SLC12A2: variants seen among roughly 807,000 people sequenced by gnomAD.
SLC12A2 encodes the protein solute carrier family 12 member 2.
Under a neutral mutation model 136.3 loss-of-function variants are expected in SLC12A2, and 67 were observed. The ratio of observed to expected loss-of-function variants is 0.49; its 90% CI spans 0.40 to 0.60. SLC12A2 has a LOEUF of 0.60. Ranked by LOEUF, SLC12A2 falls within the 20% of genes least tolerant of loss-of-function variation. The pLI is 0.00. For synonymous variants in SLC12A2, 619 were observed against 562.9 expected, an observed-to-expected ratio of 1.10 and a Z score of -1.41; for missense variants, 1,322 against 1,534.7, an observed-to-expected ratio of 0.86 and a Z score of 2.32.
At chr5:128,098,850 T>A (rs1168599636) in intron 1 of SLC12A2, among the ~76,000 whole-genome samples, 1 of 152,140 alleles carries the variant, frequency 6.6e-6, no homozygotes, top group Non-Finnish European at 1.5e-5. Flanking sequence ...ACCCTTGCCA[T>A]CATTATACTT....
At chr5:128,146,897 A>G (rs1762545438) in intron 10 of SLC12A2, among the ~76,000 whole-genome samples, 1 of 151,664 alleles carries the variant, frequency 6.6e-6, no homozygotes, top group East Asian at 1.9e-4. Context: ...TCTAGATAGA[A>G]CCAGTTTACT....
intron 19 of SLC12A2, among the ~76,000 whole-genome samples, chr5:128,172,954 C>CA (rs200230694): frequency 0.011 from 1,556 of 138,940 alleles, 25 homozygotes; most frequent in African/African-American, 0.037. Context: ...TCAAAAAATA[C>CA]AAAAAAAACA....
intron 1 of SLC12A2, among the ~76,000 whole-genome samples, chr5:128,104,720 A>C (rs1031481542): frequency 3.3e-5 from 5 of 151,576 alleles, no homozygotes; most frequent in African/African-American, 1.2e-4. Context: ...TCTCAGATGG[A>C]TTTTCTGGAC....
chr5:128,175,583 A>G (rs894203030), intron 20 of SLC12A2, among the ~76,000 whole-genome samples: 1 of 151,884 alleles, frequency 6.6e-6, no homozygotes, highest in East Asian at 1.9e-4. Flanking sequence ...GTGAAGTTTA[A>G]TGGGAGGGTA....
chr5:128,141,659 T>C (rs1233591643), intron 9 of SLC12A2, among the ~76,000 whole-genome samples, 171 bp from the exon 10 acceptor site: 7 of 152,204 alleles, frequency 4.6e-5, no homozygotes, highest in Non-Finnish European at 2.9e-5. Context: ...CATGATGCTT[T>C]ACAAATTCTG....
intron 17 of SLC12A2, among the ~76,000 whole-genome samples, chr5:128,165,918 TCCC>T (rs34094078): frequency 0.051 from 4,257 of 83,646 alleles, 265 homozygotes; most frequent in African/African-American, 0.086. Context: ...TTCTTTTACC[TCCC>T]CCCCCCCCCC....
intron 1 of SLC12A2, among the ~76,000 whole-genome samples, chr5:128,108,282 G>A (rs1009415855): frequency 2.0e-5 from 3 of 152,058 alleles, no homozygotes; most frequent in Non-Finnish European, 4.4e-5. Context: ...ATTATATTAT[G>A]GTCCAGCAAT....
Position 128,134,212 on chromosome 5 carries a change from TG to T in SLC12A2, c.1238del (p.Gly413GlufsTer6). On this transcript the variant is annotated frameshift_variant, in exon 6 of 27. Coordinates refer to ENST00000262461, the MANE Select transcript of SLC12A2 (RefSeq NM_001046.3). LOFTEE classifies it high-confidence loss of function. The stretch of plus-strand genomic sequence containing the variant: ...ATGAAATCAATGATATCCGAATTAT[TG>T]GAGCCATTACAGTCGTGATTCTTTT... ...IDEINDIRII[G>X]AITVVILLGI... 6.2e-7 allele frequency: 1 copy of T among 1,608,290 alleles called. No homozygotes were observed. The highest frequency in any genetic ancestry group is 2.2e-5 in the East Asian group (1 of 44,740).
intron 10 of SLC12A2, among the ~76,000 whole-genome samples, chr5:128,147,406 G>GT (rs1169114998): frequency 2.6e-5 from 4 of 151,672 alleles, no homozygotes; most frequent in South Asian, 2.1e-4. Context: ...CATTGTGTGT[G>GT]TTTAACATTT....
At chr5:128,085,728 A>AATCCAGTAT (rs1240774558) in intron 1 of SLC12A2, among the ~76,000 whole-genome samples, 2 of 152,210 alleles carry the variant, frequency 1.3e-5, no homozygotes, top group Non-Finnish European at 2.9e-5. Flanking sequence ...GACAAGTTTA[A>AATCCAGTAT]ATCCAGTATG....
chr5:128,084,859 A>G lies in SLC12A2; in HGVS notation c.756+149A>G, dbSNP rs1760027691. 1.0e-6 allele frequency: 1 copy of G among 969,494 alleles called. No homozygotes were observed. Among genetic ancestry groups the G allele is most frequent in the South Asian group, 1.7e-5 (1 of 57,724 alleles). 60.1% of individuals were successfully genotyped at this position (969,494 alleles called of 1,614,324 possible). A position where few individuals can be genotyped will look rare whatever the true frequency, so the allele number is the denominator to read the frequency against. ...TCTGGATTCAGCTGTCAAGGGTGGA[A>G]TTGCCGAGGAATGTTAACTTAATCT... On this transcript the variant is annotated intron_variant, in intron 1 of 26. Coordinates refer to ENST00000262461, the MANE Select transcript of SLC12A2 (RefSeq NM_001046.3). This position sits in a 1 kb window ranked among gnomAD's most constrained non-coding sequence, Gnocchi z 5.6.
At chr5:128,085,902 T>G (rs1263449491) in intron 1 of SLC12A2, among the ~76,000 whole-genome samples, 1 of 152,236 alleles carries the variant, frequency 6.6e-6, no homozygotes, top group African/African-American at 2.4e-5. Flanking sequence ...TAGATAATAC[T>G]ATTCTTGTTA....
At chr5:128,153,985 T>C (rs952950738) in intron 15 of SLC12A2, among the ~76,000 whole-genome samples, 1 of 151,778 alleles carries the variant, frequency 6.6e-6, no homozygotes, top group Non-Finnish European at 1.5e-5. Flanking sequence ...ATAGAAATTA[T>C]TATTTTATGT....
intron 1 of SLC12A2, among the ~76,000 whole-genome samples, chr5:128,088,515 T>C (rs1760187698): frequency 6.6e-6 from 1 of 152,208 alleles, no homozygotes; most frequent in Non-Finnish European, 1.5e-5. Context: ...TAGCTCCTAC[T>C]GGATTTAAAG....
rs770832467 is a variant in SLC12A2 at position 128,174,634 on chromosome 5, A to T, written c.2897A>T (p.Lys966Ile). The T allele has an allele frequency of 5.5e-5, 89 of 1,605,694 alleles. No homozygotes were observed. In the Admixed American group the frequency reaches 1.4e-3, roughly 26 times the overall value. Residue 966 changes from lysine (K) to isoleucine (I), a missense_variant, in exon 20 of 27, where the codon AAA becomes ATA. By Grantham distance (102) the Lys-to-Ile change is moderately radical. Transcript: ENST00000262461. ...AAAAAGTCCGATTTAGATACTTCCA[A>T]ACCACTCAGTGAAAAACCAATTACA... ...YSKKSDLDTS[K>I]PLSEKPITHK...
intron 23 of SLC12A2, among the ~76,000 whole-genome samples, chr5:128,181,401 A>G (rs1763703313): frequency 6.6e-6 from 1 of 152,142 alleles, no homozygotes; most frequent in South Asian, 2.1e-4. Context: ...CTATACTGTC[A>G]CGATTCTAGT....
At chr5:128,106,196 C>T (rs1011371925) in intron 1 of SLC12A2, among the ~76,000 whole-genome samples, 2 of 152,060 alleles carry the variant, frequency 1.3e-5, no homozygotes, top group African/African-American at 4.8e-5. Flanking sequence ...TTTATGTTGC[C>T]AATTTCTACT....
At chr5:128,154,895 T>C (rs1762823850) in intron 15 of SLC12A2, among the ~76,000 whole-genome samples, 1 of 152,188 alleles carries the variant, frequency 6.6e-6, no homozygotes, top group Admixed American at 6.5e-5. Flanking sequence ...TTACTGTAGA[T>C]TTTAGTAACC....
chr5:128,095,285 T>C (rs1175616577), intron 1 of SLC12A2, among the ~76,000 whole-genome samples: 1 of 151,460 alleles, frequency 6.6e-6, no homozygotes, highest in Non-Finnish European at 1.5e-5. Flanking sequence ...TTAAGTTACA[T>C]ATCTGCATTT....
Sources: allele counts gnomAD v4.1 joint callset (sites outside exome capture counted in the v4.1 genomes callset), GRCh38; gene constraint gnomAD v4.1.1; non-coding constraint Gnocchi (gnomAD v3.1); transcripts MANE v1.5; gene names NCBI Gene and HGNC (gene_info 2026-07-23, HGNC 2026-07-21).